Variants in ZXDC observed in about 807,000 individuals in gnomAD.
ZXDC encodes ZXD family zinc finger C, also known as zinc finger protein ZXDC.
ZXDC carries 58 observed loss-of-function variants against 63.6 expected under a neutral mutation model. The observed-to-expected ratio is 0.91, with a 90% CI of 0.74 to 1.13. The LOEUF (loss-of-function observed/expected upper bound fraction) is 1.13. ZXDC is among the 50% of genes most tolerant of loss of function. ZXDC has a pLI of 0.00. For synonymous variants in ZXDC, 561 were observed against 496.1 expected (o/e 1.13, Z -1.74); for missense variants, 1,133 against 1,148.9 (o/e 0.99, Z 0.20).
intron 8 of ZXDC, 178 bp downstream of exon 8, chr3:126,441,587 G>C: frequency 7.5e-7 from 1 of 1,335,576 alleles, no homozygotes; most frequent in Non-Finnish European, 9.6e-7. Context: ...GGGAAAAAGG[G>C]AGGAGCTGGG....
intron 6 of ZXDC, 27 bp downstream of exon 6, chr3:126,461,505 ATGG>A: frequency 1.3e-6 from 2 of 1,582,596 alleles, no homozygotes; most frequent in Non-Finnish European, 1.7e-6. Flanking sequence ...AGTGACCTAT[ATGG>A]TGGTGACTGA....
chr3:126,475,804 G>A lies in ZXDC; in HGVS notation c.62C>T (p.Pro21Leu), dbSNP rs1282982148. Residue 21 changes from proline (P) to leucine (L), a missense_variant, in exon 1 of 10, where the codon CCC becomes CTC. Coordinates refer to ENST00000389709, the MANE Select transcript of ZXDC (RefSeq NM_025112.5). ...TARGGQHGGGPGPLRRAPAPL... is the reference protein window; with the variant it reads ...TARGGQHGGGLGPLRRAPAPL... ...CGCTGGGGCTCGGCGGAGCGGGCCGGGGCCGCCGCCATGTTGCCCTCCGCG... is the reference window on the plus strand; with the variant it reads ...CGCTGGGGCTCGGCGGAGCGGGCCGAGGCCGCCGCCATGTTGCCCTCCGCG... 1.0e-5 allele frequency: 11 copies of A among 1,089,460 alleles called. No homozygotes were observed. In the Admixed American group the frequency reaches 1.6e-4, roughly 15 times the overall value. 67.5% of individuals were successfully genotyped at this position (1,089,460 alleles called of 1,614,324 possible).
intron 8 of ZXDC, chr3:126,441,360 G>A (rs1265952078): frequency 9.8e-7 from 1 of 1,022,754 alleles, no homozygotes; most frequent in Non-Finnish European, 1.2e-6. Flanking sequence ...GAAATGGGGT[G>A]GCTGAGACGG....
At position 126,475,013 on chromosome 3, in the gene ZXDC, A is replaced by G; in HGVS notation, c.853T>C (p.Ser285Pro). 6.3e-7 allele frequency: 1 copy of G among 1,596,756 alleles called. No individual in the cohort carries two copies. Among genetic ancestry groups the G allele is most frequent in the Non-Finnish European group, 8.5e-7 (1 of 1,172,438 alleles). The change falls in exon 1 of 10, where the codon TCC becomes CCC. Residue 285 changes from serine (S) to proline (P), a missense_variant. By Grantham distance (74) the Ser-to-Pro change is moderately conservative. Transcript: ENST00000389709. ...ERFPTHAKLS[S>P]HQRSHFEPER... ...GGCTCGAAGTGGCTGCGCTGGTGGGAGCTGAGCTTGGCGTGCGTGGGGAAG... is the reference window on the plus strand; with the variant it reads ...GGCTCGAAGTGGCTGCGCTGGTGGGGGCTGAGCTTGGCGTGCGTGGGGAAG...
At chr3:126,443,817 C>A (rs1248032564) in intron 7 of ZXDC, among the ~76,000 whole-genome samples, 1 of 152,142 alleles carries the variant, frequency 6.6e-6, no homozygotes. Flanking sequence ...ACTGTTACAA[C>A]TGCAATTATT....
chr3:126,451,749 A>C, intron 7 of ZXDC: 1 of 985,242 alleles, frequency 1.0e-6, no homozygotes, highest in Middle Eastern at 5.2e-4. Flanking sequence ...TCACGCTGTT[A>C]CTGGTGATCT....
rs1194589396 is a variant in ZXDC at position 126,466,204 on chromosome 3, G to C, written c.1392C>G (p.Ser464=). The C allele has an allele frequency of 5.0e-6, 8 of 1,614,126 alleles. No homozygotes were observed. Among genetic ancestry groups the C allele is most frequent in the Non-Finnish European group, 6.8e-6 (8 of 1,180,062 alleles). Residue 464 remains serine (S), a synonymous_variant, in exon 5 of 10, where the codon TCC becomes TCG. Coordinates refer to ENST00000389709, the MANE Select transcript of ZXDC (RefSeq NM_025112.5). ...PVSTCNRLFT[S]KHSMKAHMVR... is the part of the protein sequence containing the mutation. ...CCATGTGCGCCTTCATGCTGTGCTTGGAGGTGAAGAGTCTGTTGCAGGTAG... is the reference window on the plus strand; with the variant it reads ...CCATGTGCGCCTTCATGCTGTGCTTCGAGGTGAAGAGTCTGTTGCAGGTAG...
At chr3:126,449,053 C>T (rs1192677634) in intron 7 of ZXDC, among the ~76,000 whole-genome samples, 2 of 152,166 alleles carry the variant, frequency 1.3e-5, no homozygotes, top group Non-Finnish European at 2.9e-5. Context: ...AGGCCAGCTC[C>T]GGAGGCCTCA....
In ZXDC at chr3:126,472,221, G is replaced by C. The variant is rs1048758999; in HGVS notation, c.992C>G (p.Ser331Cys). 2.5e-6 allele frequency: 4 copies of C among 1,613,672 alleles called. No homozygotes were observed. The highest frequency in any genetic ancestry group is 2.5e-6 in the Non-Finnish European group (3 of 1,179,550). ...HFREQELFSC[S>C]FPGCSKQYDK... Reference sequence around the variant, plus strand: ...ATACTGCTTGCTGCACCCAGGAAAGGAGCAGGAAAAGAGCTCTTGTTCCCT... The same window carrying C: ...ATACTGCTTGCTGCACCCAGGAAAGCAGCAGGAAAAGAGCTCTTGTTCCCT... The change falls in exon 2 of 10, where the codon TCC becomes TGC. Residue 331 changes from serine to cysteine, a missense_variant. Ser to Cys is a moderately radical substitution (Grantham distance 112). Transcript: ENST00000389709.
chr3:126,446,755 T>C (rs748031179), intron 7 of ZXDC, among the ~76,000 whole-genome samples: 1 of 152,230 alleles, frequency 6.6e-6, no homozygotes, highest in Non-Finnish European at 1.5e-5. Context: ...TATGTTAATA[T>C]ACTTATCCAC....
chr3:126,454,416 T>A, intron 7 of ZXDC: 1 of 985,438 alleles, frequency 1.0e-6, no homozygotes, highest in Non-Finnish European at 1.2e-6. Context: ...ATCTTCTTTG[T>A]CCCCATGCTT....
intron 5 of ZXDC, among the ~76,000 whole-genome samples, chr3:126,463,734 T>G (rs1194796273): frequency 2.0e-5 from 3 of 152,238 alleles, no homozygotes; most frequent in Non-Finnish European, 2.9e-5. Context: ...CTCGGTTCTC[T>G]GATCCTATTT....
At chr3:126,443,522 C>T (rs1158911001) in intron 7 of ZXDC, 1 of 152,188 alleles carries the variant, frequency 6.6e-6, no homozygotes, top group African/African-American at 2.4e-5. Context: ...CAAATACCGA[C>T]ATAGACATGA....
chr3:126,474,156 T>C (rs1935088182), intron 1 of ZXDC, among the ~76,000 whole-genome samples: 2 of 151,218 alleles, frequency 1.3e-5, no homozygotes, highest in Non-Finnish European at 2.9e-5. Flanking sequence ...GCTCCGTCTC[T>C]GGGGTTCACA....
chr3:126,454,856 T>TA (rs1335636681), intron 7 of ZXDC: 3 of 985,334 alleles, frequency 3.0e-6, no homozygotes, highest in Non-Finnish European at 3.6e-6. Context: ...TGTTTTATTC[T>TA]AAGGGGAGAA....
intron 7 of ZXDC, chr3:126,450,448 T>C (rs1934056266): frequency 2.2e-6 from 1 of 456,584 alleles, no homozygotes; most frequent in Admixed American, 2.3e-5. Flanking sequence ...CCACAGGGTA[T>C]GACAAAGCCC....
intron 7 of ZXDC, chr3:126,458,484 C>T: frequency 1.7e-6 from 1 of 597,330 alleles, no homozygotes; most frequent in Non-Finnish European, 2.1e-6. Flanking sequence ...GTGATCCACC[C>T]ACCTCGGCCT....
chr3:126,448,498 C>T (rs1030778769), intron 7 of ZXDC, among the ~76,000 whole-genome samples: 9 of 152,172 alleles, frequency 5.9e-5, no homozygotes, highest in Admixed American at 2.6e-4. Context: ...CAGACACCAC[C>T]CTTGAGGAGC....
intron 6 of ZXDC, 83 bp downstream of exon 6, chr3:126,461,452 G>C: frequency 6.7e-7 from 1 of 1,495,418 alleles, no homozygotes; most frequent in Non-Finnish European, 8.9e-7. Context: ...CGTCTGCATA[G>C]AAAGGATTAA....
Sources: gnomAD v4.1 joint callset for allele counts (sites outside exome capture counted in the v4.1 genomes callset) on GRCh38, gnomAD v4.1.1 for gene constraint, MANE v1.5 for transcripts, NCBI Gene and HGNC (gene_info 2026-07-23, HGNC 2026-07-21) for gene names.